CC2D2B: variants seen among roughly 807,000 people sequenced by gnomAD.
CC2D2B encodes protein CC2D2B.
In CC2D2B, 128 loss-of-function variants were observed where a neutral mutation model predicts 161.2. The ratio of observed to expected loss-of-function variants is 0.79; its 90% confidence interval spans 0.69 to 0.92. The LOEUF (loss-of-function observed/expected upper bound fraction) is 0.92. Ranked by LOEUF, CC2D2B falls within the 40% of genes least tolerant of loss-of-function variation. CC2D2B has a pLI of 0.00. For missense variants in CC2D2B, 1,173 were observed against 1,375.1 expected (o/e 0.85, Z 2.32); for synonymous variants, 391 against 449.8 (o/e 0.87, Z 1.65).
chr10:95,932,822 T>A (rs2075658451), intron 6 of CC2D2B, among the ~76,000 whole-genome samples: 2 of 152,220 alleles, frequency 1.3e-5, no homozygotes, highest in Admixed American at 1.3e-4. Context: ...ATTTTTTCCT[T>A]CATTTCAACC....
chr10:95,930,882 G>T (rs971244577), intron 6 of CC2D2B, among the ~76,000 whole-genome samples: 1 of 152,154 alleles, frequency 6.6e-6, no homozygotes, highest in Non-Finnish European at 1.5e-5. Context: ...TTTGGTATCA[G>T]GATGATGCTG....
chr10:95,960,069 G>T (rs548047817), intron 11 of CC2D2B, among the ~76,000 whole-genome samples: 4 of 152,210 alleles, frequency 2.6e-5, no homozygotes, highest in African/African-American at 9.6e-5. Context: ...TAGGTGTCAG[G>T]AGGTTGAAGA....
intron 17 of CC2D2B, among the ~76,000 whole-genome samples, chr10:95,977,498 T>C (rs1419474570): frequency 6.6e-6 from 1 of 152,258 alleles, no homozygotes; most frequent in Non-Finnish European, 1.5e-5. Context: ...TTACACACAC[T>C]AGTTAATGAA....
intron 2 of CC2D2B, among the ~76,000 whole-genome samples, chr10:95,913,966 T>C (rs1429962099): frequency 1.7e-4 from 26 of 152,240 alleles, no homozygotes; most frequent in Admixed American, 1.7e-3. Context: ...TTTAACTTGA[T>C]GTGATCCCAT....
chr10:95,958,582 A>G (rs2076659756), intron 11 of CC2D2B, among the ~76,000 whole-genome samples: 1 of 152,074 alleles, frequency 6.6e-6, no homozygotes, highest in African/African-American at 2.4e-5. Context: ...GAAAAAGAGA[A>G]TGAAGCTGAA....
intron 2 of CC2D2B, chr10:95,919,863 C>T (rs1232318240): frequency 6.6e-6 from 1 of 151,494 alleles, no homozygotes; most frequent in Non-Finnish European, 1.5e-5. Context: ...TGAACTGGCA[C>T]CCAGGTTGTA....
chr10:95,945,392 T>C (rs962374479), intron 9 of CC2D2B, among the ~76,000 whole-genome samples: 2 of 152,202 alleles, frequency 1.3e-5, no homozygotes, highest in Non-Finnish European at 2.9e-5. Context: ...GTAGATATAA[T>C]AGTTGTATGC....
chr10:95,922,444 A>G (rs2098529216), intron 3 of CC2D2B, among the ~76,000 whole-genome samples: 1 of 152,240 alleles, frequency 6.6e-6, no homozygotes, highest in Non-Finnish European at 1.5e-5. Flanking sequence ...ATATTTATTG[A>G]GCATGTATTA....
At chr10:96,006,961 A>T (rs1564663656) in intron 25 of CC2D2B, among the ~76,000 whole-genome samples, 6 of 152,166 alleles carry the variant, frequency 3.9e-5, no homozygotes, top group Non-Finnish European at 1.5e-5. Flanking sequence ...CGTATTGTTG[A>T]TCTTAAAATT....
intron 12 of CC2D2B, among the ~76,000 whole-genome samples, chr10:95,964,957 C>T (rs989022172): frequency 1.3e-5 from 2 of 152,072 alleles, no homozygotes; most frequent in Admixed American, 1.3e-4. Flanking sequence ...CTCACATATG[C>T]AGACATAGGC....
chr10:96,025,192 A>AATATATATATATAT (rs10524712), intron 33 of CC2D2B, among the ~76,000 whole-genome samples: 2 of 49,200 alleles, frequency 4.1e-5, no homozygotes, highest in African/African-American at 1.7e-4. Flanking sequence ...TATAAAAAAA[A>AATATATATATATAT]ATATATATAT....
intron 17 of CC2D2B, among the ~76,000 whole-genome samples, chr10:95,978,168 A>G (rs767750919): frequency 2.6e-5 from 4 of 152,222 alleles, no homozygotes; most frequent in Non-Finnish European, 5.9e-5. Flanking sequence ...AAATTTTACT[A>G]TACTGTATAT....
At chr10:95,970,123 T>C (rs2141483796) in intron 15 of CC2D2B, among the ~76,000 whole-genome samples, 1 of 151,698 alleles carries the variant, frequency 6.6e-6, no homozygotes, top group Non-Finnish European at 1.5e-5. Flanking sequence ...CAACCTCCAC[T>C]TCCTGGGTTC....
chr10:95,909,115 T>C (rs948415801), intron 1 of CC2D2B, among the ~76,000 whole-genome samples: 1 of 152,340 alleles, frequency 6.6e-6, no homozygotes, highest in African/African-American at 2.4e-5. Flanking sequence ...GAAAATCTTT[T>C]GTCACGCCGT....
chr10:96,017,439 T>G (rs914460569), intron 30 of CC2D2B, among the ~76,000 whole-genome samples: 1 of 152,144 alleles, frequency 6.6e-6, no homozygotes, highest in Non-Finnish European at 1.5e-5. Flanking sequence ...ACTATTAGCG[T>G]TAGTACCTGT....
intron 24 of CC2D2B, among the ~76,000 whole-genome samples, chr10:95,997,935 A>T (rs1368047762): frequency 6.6e-6 from 1 of 151,896 alleles, no homozygotes; most frequent in Non-Finnish European, 1.5e-5. Context: ...ATCAATATAC[A>T]CTCCCAACAG....
At chr10:95,990,393 A>C (rs922531581) in intron 20 of CC2D2B, among the ~76,000 whole-genome samples, 1 of 152,154 alleles carries the variant, frequency 6.6e-6, no homozygotes, top group Non-Finnish European at 1.5e-5. Flanking sequence ...TTAGGGAAAG[A>C]ATATTCTAGG....
intron 5 of CC2D2B, among the ~76,000 whole-genome samples, chr10:95,926,826 GTGTGTGTGTGTGTGTGTGTGTC>G (rs2098539549): frequency 7.5e-6 from 1 of 132,612 alleles, no homozygotes; most frequent in South Asian, 2.4e-4. Context: ...GTGTGTGTGT[GTGTGTGTGTGTGTGTGTGTGTC>G]TGTGTGTGTG....
intron 23 of CC2D2B, 95 bp downstream of exon 23, chr10:95,995,460 T>C: frequency 4.7e-6 from 3 of 635,328 alleles, no homozygotes; most frequent in Non-Finnish European, 7.4e-6. Flanking sequence ...ATATTTTCTT[T>C]GGCTTCCAGT....
Sources: gnomAD v4.1 joint callset for allele counts (sites outside exome capture counted in the v4.1 genomes callset) on GRCh38, gnomAD v4.1.1 for gene constraint, MANE v1.5 for transcripts, NCBI Gene and HGNC (gene_info 2026-07-23, HGNC 2026-07-21) for gene names.